GPC5: variants seen among roughly 807,000 people sequenced by gnomAD.
GPC5 encodes the protein glypican 5.
A neutral mutation model predicts 53.9 loss-of-function variants in GPC5; 47 were observed. The observed-to-expected ratio is 0.87, with a 90% CI of 0.69 to 1.11. The LOEUF is 1.11. Ranked by LOEUF, GPC5 falls within the 50% of genes most tolerant of loss-of-function variation. The pLI is 0.00. For synonymous variants in GPC5, 286 were observed against 263.3 expected, an observed-to-expected ratio of 1.09 and a Z score of -0.84; for missense variants, 748 against 713.1, an observed-to-expected ratio of 1.05 and a Z score of -0.56.
At chr13:92,281,739 C>G (rs1481614182) in intron 7 of GPC5, among the ~76,000 whole-genome samples, 1 of 152,172 alleles carries the variant, frequency 6.6e-6, no homozygotes. Context: ...CACCAAAACC[C>G]CATCTGTACA....
chr13:92,730,743 C>A (rs1888779016), intron 7 of GPC5, among the ~76,000 whole-genome samples: 1 of 151,370 alleles, frequency 6.6e-6, no homozygotes, highest in East Asian at 2.0e-4. Flanking sequence ...GAAAAGACTG[C>A]AGATTTAAAG....
chr13:91,459,034 T>A (rs1325673969), intron 2 of GPC5, among the ~76,000 whole-genome samples: 1 of 151,802 alleles, frequency 6.6e-6, no homozygotes, highest in Non-Finnish European at 1.5e-5. Context: ...ATAAGAATGA[T>A]ACAATGGACT....
At chr13:91,829,342 G>A (rs2038620791) in intron 5 of GPC5, among the ~76,000 whole-genome samples, 1 of 152,028 alleles carries the variant, frequency 6.6e-6, no homozygotes, top group Admixed American at 6.6e-5. Flanking sequence ...CAATATGACA[G>A]TATGGCAACT....
chr13:91,913,806 C>A (rs923496420), intron 6 of GPC5, among the ~76,000 whole-genome samples: 2 of 152,146 alleles, frequency 1.3e-5, no homozygotes, highest in African/African-American at 4.8e-5. Flanking sequence ...CTGAAACAGG[C>A]AATATTTGTC....
At chr13:92,648,657 G>C (rs1273082286) in intron 7 of GPC5, among the ~76,000 whole-genome samples, 1 of 152,058 alleles carries the variant, frequency 6.6e-6, no homozygotes, top group Non-Finnish European at 1.5e-5. Flanking sequence ...CAGACATTAA[G>C]AAAGTTATAT....
intron 5 of GPC5, among the ~76,000 whole-genome samples, chr13:91,827,335 T>A (rs1163235059): frequency 6.6e-6 from 1 of 151,938 alleles, no homozygotes; most frequent in Non-Finnish European, 1.5e-5. Context: ...CCATGTAAAC[T>A]GCATCCAAAT....
At chr13:92,626,233 T>G (rs1230054779) in intron 7 of GPC5, among the ~76,000 whole-genome samples, 1 of 152,170 alleles carries the variant, frequency 6.6e-6, no homozygotes, top group Non-Finnish European at 1.5e-5. Context: ...TATTATTAAT[T>G]TCATTGAAAA....
At chr13:91,431,028 C>T (rs1879407538) in intron 1 of GPC5, among the ~76,000 whole-genome samples, 1 of 152,098 alleles carries the variant, frequency 6.6e-6, no homozygotes, top group African/African-American at 2.4e-5. Context: ...GTGCATGCTA[C>T]CATGCCTGAC....
chr13:91,548,291 C>T (rs775544366), intron 2 of GPC5, among the ~76,000 whole-genome samples: 2 of 152,022 alleles, frequency 1.3e-5, no homozygotes, highest in Non-Finnish European at 2.9e-5. Context: ...GGTTAACATA[C>T]AAAACTTAAT....
At chr13:91,432,213 G>GCTGCTGC (rs1388666612) in intron 1 of GPC5, among the ~76,000 whole-genome samples, 15 of 125,432 alleles carry the variant, frequency 1.2e-4, no homozygotes, top group African/African-American at 5.3e-4. Flanking sequence ...CTGTGTGTGT[G>GCTGCTGC]TGTGTGTGTG....
chr13:92,693,525 C>T (rs1887473719), intron 7 of GPC5, among the ~76,000 whole-genome samples: 2 of 152,086 alleles, frequency 1.3e-5, no homozygotes, highest in South Asian at 4.1e-4. Flanking sequence ...AGACTGGTGA[C>T]ATTTTGCTCT....
At chr13:91,986,895 A>G (rs2040413054) in intron 6 of GPC5, among the ~76,000 whole-genome samples, 2 of 141,268 alleles carry the variant, frequency 1.4e-5, no homozygotes, top group South Asian at 4.2e-4. Context: ...CTGCTTTGCC[A>G]ATGGATTCTT....
chr13:92,398,196 G>A (rs1875374601), intron 7 of GPC5, among the ~76,000 whole-genome samples: 1 of 151,584 alleles, frequency 6.6e-6, no homozygotes, highest in Non-Finnish European at 1.5e-5. Context: ...TTGGGAGGCC[G>A]AGGCGGGCGG....
chr13:92,115,968 T>C (rs1219871738), intron 6 of GPC5, among the ~76,000 whole-genome samples: 1 of 152,076 alleles, frequency 6.6e-6, no homozygotes, highest in Non-Finnish European at 1.5e-5. Context: ...GAAGAGGAGA[T>C]AGCTGGGCAT....
rs1190833346 is a variant in GPC5 at position 91,454,390 on chromosome 13, A to T, written c.325+5468A>T. ...CTTTTAGTTGTTTTAATTCTGACAG[A>T]TGATAGTTATGATAATATCACCTAT... On this transcript the variant is annotated intron_variant, in intron 2 of 7. Coordinates refer to ENST00000377067, the MANE Select transcript of GPC5 (RefSeq NM_004466.6). Among the ~76,000 whole-genome samples the T allele has an allele frequency of 2.0e-5, 3 of 152,052 alleles. No individual in the cohort carries two copies. In the East Asian group the frequency reaches 5.8e-4, roughly 29 times the overall value.
chr13:92,299,117 G>A (rs1207835335), intron 7 of GPC5, among the ~76,000 whole-genome samples: 2 of 152,108 alleles, frequency 1.3e-5, no homozygotes, highest in Non-Finnish European at 2.9e-5. Context: ...GCCTTTAAGG[G>A]AAATGGAAAT....
At chr13:92,038,755 A>G (rs1284404287) in intron 6 of GPC5, among the ~76,000 whole-genome samples, 1 of 152,054 alleles carries the variant, frequency 6.6e-6, no homozygotes, top group Non-Finnish European at 1.5e-5. Context: ...GCATATATGT[A>G]TTACTCAATA....
At position 92,432,000 on chromosome 13, in the gene GPC5, T is replaced by C. The variant is rs139725499; in HGVS notation, c.1561+287011T>C. Among the ~76,000 whole-genome samples, 539 of 152,314 alleles carry C rather than the reference T, an allele frequency of 3.5e-3. 1 individual carries two copies. Among genetic ancestry groups the C allele is most frequent in the Non-Finnish European group, 5.3e-3 (361 of 68,026 alleles). ...GGACTGAATTGTGTCTTCCTCACAA[T>C]GTATATGTTAAAGCCCCAATGTGAT... On this transcript the variant is annotated intron_variant, in intron 7 of 7. Coordinates refer to ENST00000377067, the MANE Select transcript of GPC5 (RefSeq NM_004466.6).
chr13:92,185,791 A>G (rs2042179795), intron 7 of GPC5, among the ~76,000 whole-genome samples: 1 of 152,174 alleles, frequency 6.6e-6, no homozygotes, highest in Non-Finnish European at 1.5e-5. Flanking sequence ...GAATATGTTG[A>G]TTGATTCCCA....
Sources: gnomAD v4.1 joint callset for allele counts (sites outside exome capture counted in the v4.1 genomes callset) on GRCh38, gnomAD v4.1.1 for gene constraint, MANE v1.5 for transcripts, NCBI Gene and HGNC (gene_info 2026-07-23, HGNC 2026-07-21) for gene names.